Variants in COL8A1 observed in about 807,000 individuals in gnomAD.
The protein encoded by COL8A1 is collagen type VIII alpha 1 chain.
In COL8A1, 21 loss-of-function variants were observed where a neutral mutation model predicts 42.7. That is an observed-to-expected ratio of 0.49 (90% CI 0.35 to 0.71). COL8A1 has a LOEUF of 0.71. Ranked by LOEUF, COL8A1 falls within the 30% of genes least tolerant of loss-of-function variation. The probability of loss-of-function intolerance (pLI) is 0.01; values close to 1 mark genes in which losing one functional copy is unlikely to be tolerated. For missense variants in COL8A1, 788 were observed against 962.4 expected, an observed-to-expected ratio of 0.82 and a Z score of 2.40; for synonymous variants, 367 against 369.1, an observed-to-expected ratio of 0.99 and a Z score of 0.06.
At chr3:99,751,825 G>A (rs1458400922) in intron 2 of COL8A1, among the ~76,000 whole-genome samples, 1 of 152,126 alleles carries the variant, frequency 6.6e-6, no homozygotes, top group African/African-American at 2.4e-5. Context: ...TTCAGACCAG[G>A]TTATTCATTC....
rs546912110 is a variant in COL8A1, at chr3:99,658,931, G to A, written c.-129+20267G>A. ...AAAGTGTAGTCTAAGGACTACCTGC[G>A]TCATGATTCCACATCCCCACTAGCT... On this transcript the variant is annotated intron_variant, in intron 1 of 3. Transcript: ENST00000652472. Among the ~76,000 whole-genome samples the A allele has an allele frequency of 7.9e-5, 12 of 152,270 alleles. No individual in the cohort carries two copies. In the South Asian group the frequency reaches 1.0e-3, roughly 13 times the overall value.
At chr3:99,640,577 G>C (rs1398352084) in intron 1 of COL8A1, among the ~76,000 whole-genome samples, 1 of 152,020 alleles carries the variant, frequency 6.6e-6, no homozygotes, top group Non-Finnish European at 1.5e-5. Flanking sequence ...GCTTTCTCTG[G>C]CAATTAATCC....
intron 1 of COL8A1, among the ~76,000 whole-genome samples, chr3:99,712,146 G>T (rs1372581638): frequency 6.6e-6 from 1 of 152,154 alleles, no homozygotes; most frequent in Non-Finnish European, 1.5e-5. Context: ...GGGGCCATTT[G>T]TGGCAGAAAC....
chr3:99,669,783 C>A (rs1017851762), intron 1 of COL8A1, among the ~76,000 whole-genome samples: 3 of 151,986 alleles, frequency 2.0e-5, no homozygotes, highest in African/African-American at 7.2e-5. Flanking sequence ...ACAACCAGAA[C>A]CTGACGGAGC....
chr3:99,685,153 A>G (rs1265104617), intron 1 of COL8A1, among the ~76,000 whole-genome samples: 6 of 152,200 alleles, frequency 3.9e-5, no homozygotes, highest in Non-Finnish European at 8.8e-5. Context: ...CTCAGACTCT[A>G]AGAAAACAAA....
At chr3:99,697,944 C>T (rs1343419406) in intron 1 of COL8A1, among the ~76,000 whole-genome samples, 1 of 152,138 alleles carries the variant, frequency 6.6e-6, no homozygotes, top group Admixed American at 6.5e-5. Flanking sequence ...TCAGGTATTT[C>T]TCCTAATGCT....
intron 1 of COL8A1, among the ~76,000 whole-genome samples, chr3:99,725,152 AT>A (rs1157476092): frequency 6.6e-6 from 1 of 151,982 alleles, no homozygotes; most frequent in Non-Finnish European, 1.5e-5. Flanking sequence ...TGGAAATCAA[AT>A]TTTACCTTGG....
Position 99,794,869 on chromosome 3 carries a change from T to A in COL8A1, c.968T>A (p.Ile323Asn). ...PGIGKPGQDGIPGQPGFPGGK... is the reference protein window; with the variant it reads ...PGIGKPGQDGNPGQPGFPGGK... ...ATTGGAAAGCCAGGCCAGGATGGGATCCCAGGCCAGCCAGGATTTCCAGGT... is the reference window on the plus strand; with the variant it reads ...ATTGGAAAGCCAGGCCAGGATGGGAACCCAGGCCAGCCAGGATTTCCAGGT... Residue 323 changes from isoleucine (I) to asparagine (N), a missense_variant, in exon 4 of 4, where the codon ATC becomes AAC. Physicochemically the swap from Ile to Asn is moderately radical, Grantham distance 149. This residue lies in a region of COL8A1 where 421 missense variants were observed against 553.1 expected (regional missense o/e 0.76). Transcript: ENST00000652472. The surrounding 1 kb of genome is among the most constrained non-coding windows in gnomAD (Gnocchi z 4.3). 1 of 1,610,348 alleles carries A rather than the reference T, an allele frequency of 6.2e-7. No individual in the cohort carries two copies. The highest frequency in any genetic ancestry group is 8.5e-7 in the Non-Finnish European group (1 of 1,178,404).
At position 99,641,388 on chromosome 3, in the gene COL8A1, C is replaced by T. The variant is rs560345499; in HGVS notation, c.-129+2724C>T. On this transcript the variant is annotated intron_variant, in intron 1 of 3. Coordinates refer to ENST00000652472, the MANE Select transcript of COL8A1 (RefSeq NM_020351.4). ...ATCTCTACTATGCCCTTCTTCTTAGCCCTCCTTCTTTAGCAGAAAAGAACA... is the reference window on the plus strand; with the variant it reads ...ATCTCTACTATGCCCTTCTTCTTAGTCCTCCTTCTTTAGCAGAAAAGAACA... Among the ~76,000 whole-genome samples the T allele has an allele frequency of 1.1e-4, 16 of 152,232 alleles. No individual in the cohort carries two copies. In the East Asian group the frequency reaches 1.2e-3, roughly 11 times the overall value.
At chr3:99,732,509 C>T (rs1576453095) in intron 1 of COL8A1, among the ~76,000 whole-genome samples, 1 of 152,086 alleles carries the variant, frequency 6.6e-6, no homozygotes, top group Non-Finnish European at 1.5e-5. Context: ...CTTATAAAAC[C>T]ATCAGATCTC....
intron 1 of COL8A1, chr3:99,678,635 C>T (rs1938773369): frequency 6.8e-6 from 1 of 146,234 alleles, no homozygotes. Context: ...CCTCTCAAGA[C>T]TCCCTTATGT....
intron 1 of COL8A1, among the ~76,000 whole-genome samples, chr3:99,684,523 G>C (rs1007541319): frequency 2.6e-5 from 4 of 152,158 alleles, no homozygotes; most frequent in African/African-American, 9.7e-5. Context: ...ATGAGCAATT[G>C]TTAATCTTTA....
At chr3:99,780,967 G>C (rs1298451392) in intron 2 of COL8A1, among the ~76,000 whole-genome samples, 1 of 152,130 alleles carries the variant, frequency 6.6e-6, no homozygotes, top group Non-Finnish European at 1.5e-5. Context: ...ATGTTACCAC[G>C]CAGGCTAATT....
intron 1 of COL8A1, among the ~76,000 whole-genome samples, chr3:99,638,972 T>G (rs1202496196): frequency 1.3e-5 from 2 of 152,218 alleles, no homozygotes; most frequent in Non-Finnish European, 2.9e-5. Context: ...CTGACGTTTT[T>G]CACTGTACAT....
chr3:99,667,242 A>G (rs1052625050), intron 1 of COL8A1, among the ~76,000 whole-genome samples: 5 of 152,120 alleles, frequency 3.3e-5, no homozygotes, highest in African/African-American at 1.2e-4. Context: ...TGAGCCATGG[A>G]ACTATTTTAT....
At chr3:99,758,742 C>G (rs774682461) in intron 2 of COL8A1, among the ~76,000 whole-genome samples, 7 of 152,134 alleles carry the variant, frequency 4.6e-5, no homozygotes, top group Non-Finnish European at 8.8e-5. Context: ...TTGAGAAATA[C>G]TTCACTGAAG....
At chr3:99,655,874 C>A (rs1938002352) in intron 1 of COL8A1, among the ~76,000 whole-genome samples, 2 of 152,024 alleles carry the variant, frequency 1.3e-5, no homozygotes, top group Admixed American at 6.6e-5. Flanking sequence ...AGAGGAGCTG[C>A]AACAAGTAAG....
At chr3:99,694,310 C>T (rs1481520970) in intron 1 of COL8A1, among the ~76,000 whole-genome samples, 1 of 152,036 alleles carries the variant, frequency 6.6e-6, no homozygotes, top group Non-Finnish European at 1.5e-5. Flanking sequence ...TGATGAAACC[C>T]CATCTCTACT....
At chr3:99,695,582 TACTC>T (rs1295427049) in intron 1 of COL8A1, among the ~76,000 whole-genome samples, 4 of 151,642 alleles carry the variant, frequency 2.6e-5, no homozygotes, top group African/African-American at 4.9e-5. Flanking sequence ...CTCTTTCTCT[TACTC>T]TCTCTCTCTC....
Sources: gnomAD v4.1 joint callset for allele counts (sites outside exome capture counted in the v4.1 genomes callset) on GRCh38, gnomAD v4.1.1 for gene constraint, gnomAD v4.1.1 regional missense constraint, Gnocchi (gnomAD v3.1) non-coding constraint, MANE v1.5 for transcripts, NCBI Gene and HGNC (gene_info 2026-07-23, HGNC 2026-07-21) for gene names.